RAPGEF3: variants seen among roughly 807,000 people sequenced by gnomAD.
RAPGEF3 encodes the protein 9330170P05Rik.
RAPGEF3 carries 103 observed loss-of-function variants against 129.8 expected under a neutral mutation model. The ratio of observed to expected loss-of-function variants is 0.79; its 90% CI spans 0.68 to 0.93. The LOEUF is 0.93. Ranked by LOEUF, RAPGEF3 falls within the 40% of genes least tolerant of loss-of-function variation. The pLI, the probability that RAPGEF3 is intolerant of heterozygous loss-of-function variation, is 0.00. For synonymous variants in RAPGEF3, 436 were observed against 482.6 expected (o/e 0.90, Z 1.26); for missense variants, 1,117 against 1,207.4 (o/e 0.93, Z 1.11).
In RAPGEF3 at chr12:47,737,604, C is replaced by T. The variant is rs146522636; in HGVS notation, c.2735G>A (p.Arg912Gln). ...CTCTCGGGAGAGGCGGGAGAGTTCCCGCTGGTTGTCAATGACCTTCAGCTG... is the reference window on the plus strand; with the variant it reads ...CTCTCGGGAGAGGCGGGAGAGTTCCTGCTGGTTGTCAATGACCTTCAGCTG... The part of the protein sequence containing the change: ...VQQLKVIDNQ[R>Q]ELSRLSRELE... The change falls in exon 28 of 28, where the codon CGG (arginine) becomes CAG (glutamine). Residue 912 changes from arginine (R) to glutamine (Q), a missense_variant. Coordinates refer to ENST00000449771, the MANE Select transcript of RAPGEF3 (RefSeq NM_001098531.4). 1.3e-4 allele frequency: 206 copies of T among 1,605,038 alleles called. No individual in the cohort carries two copies. Among genetic ancestry groups the T allele is most frequent in the Middle Eastern group, 8.3e-4 (5 of 6,036 alleles).
rs1942178907 is a variant in RAPGEF3, at chr12:47,757,870, C to T, written c.215G>A (p.Arg72His). 5 of 1,553,626 alleles carry T rather than the reference C, an allele frequency of 3.2e-6. No individual in the cohort carries two copies. The highest frequency in any genetic ancestry group is 2.4e-5 in the East Asian group (1 of 41,582). Residue 72 changes from arginine (R) to histidine (H), a missense_variant, in exon 2 of 28, where the codon CGC becomes CAC. By Grantham distance (29) the Arg-to-His change is conservative. This residue lies in a region of RAPGEF3 where 367 missense variants were observed against 373.4 expected (regional missense o/e 0.98). Transcript: ENST00000449771. ...GGGCAGGTGAAAGGTACTCACCCAGCGCAGCCCCTGGATGCAGCTCGGACG... is the reference window on the plus strand; with the variant it reads ...GGGCAGGTGAAAGGTACTCACCCAGTGCAGCCCCTGGATGCAGCTCGGACG... ...HQRPSCIQGL[R>H]WTPLTNSEES...
At chr12:47,750,048 CT>C (rs1051128135) in intron 7 of RAPGEF3, 58 bp from the exon 8 acceptor site, 2 of 1,599,142 alleles carry the variant, frequency 1.3e-6, no homozygotes, top group African/African-American at 2.7e-5. Flanking sequence ...AGCAGCCAGG[CT>C]TTTGCTAGGG....
At chr12:47,750,271 G>T in intron 7 of RAPGEF3, 70 bp downstream of exon 7, 1 of 1,458,996 alleles carries the variant, frequency 6.9e-7, no homozygotes, top group Non-Finnish European at 9.6e-7. Context: ...CCCAGCAGTT[G>T]GAGTTTCAGG....
Position 47,740,950 on chromosome 12 carries a change from C to G in RAPGEF3, c.2014G>C (p.Asp672His). Residue 672 changes from aspartate (D) to histidine (H), a missense_variant, in exon 20 of 28, where the codon GAC (aspartate) becomes CAC (histidine). By Grantham distance (81) the Asp-to-His change is moderately conservative. Around this residue, in one of 3 missense-constraint regions of RAPGEF3, gnomAD observed 643 missense variants for 673.4 expected, o/e 0.95. Coordinates refer to ENST00000449771, the MANE Select transcript of RAPGEF3 (RefSeq NM_001098531.4). ...CTGTTGAAGAGGCTCCAGTCGTGGT[C>G]CGTCAGCTGGCCTGCCAGGTCCTTG... ...SAKDLAGQLT[D>H]HDWSLFNSIH... 1 of 1,613,948 alleles carries G rather than the reference C, an allele frequency of 6.2e-7. No homozygotes were observed. The highest frequency in any genetic ancestry group is 2.2e-5 in the East Asian group (1 of 44,882).
chr12:47,747,171 C>A (rs560294772), intron 15 of RAPGEF3, among the ~76,000 whole-genome samples: 1 of 152,168 alleles, frequency 6.6e-6, no homozygotes. Flanking sequence ...GAGCTCCCAA[C>A]CCCCCTGAAT....
At chr12:47,757,498 A>G (rs1315410664) in intron 2 of RAPGEF3, among the ~76,000 whole-genome samples, 1 of 152,120 alleles carries the variant, frequency 6.6e-6, no homozygotes, top group African/African-American at 2.4e-5. Context: ...ACTGTAACCA[A>G]GCTTACCTCA....
At chr12:47,744,120 C>T (rs748827149) in intron 16 of RAPGEF3, 52 bp from the exon 17 acceptor site, 22 of 1,455,110 alleles carry the variant, frequency 1.5e-5, no homozygotes, top group African/African-American at 4.2e-5. Context: ...GAGAGGAGAC[C>T]GTGGAGGGAG....
chr12:47,744,104 G>A (rs755855331), intron 16 of RAPGEF3, 36 bp from the exon 17 acceptor site: 3 of 1,505,946 alleles, frequency 2.0e-6, no homozygotes, highest in Non-Finnish European at 1.8e-6. Context: ...AAGGCTGGGA[G>A]GACATGAGAG....
rs1314578493 is a variant in RAPGEF3, at chr12:47,735,876, T to G, written c.*1691A>C. 6.6e-6 allele frequency: 1 copy of G among 152,338 alleles called. No homozygotes were observed. Among genetic ancestry groups the G allele is most frequent in the Non-Finnish European group, 1.5e-5 (1 of 68,114 alleles). The allele number at this position is 152,338 out of a possible 1,614,324, so 9.4% of individuals were successfully genotyped here. ...CTGACTCACCCAGGCTTGAGCCTCC[T>G]GTCCTGATTGCTCAGTTCCAGATGC... On this transcript the variant is annotated 3_prime_UTR_variant, in exon 28 of 28. Transcript: ENST00000449771.
Position 47,751,491 on chromosome 12 carries a change from T to A in RAPGEF3, c.410A>T (p.Asp137Val). Reference sequence around the variant, plus strand: ...CCCAAGTCCCAGGGCCAAGATCCCATCCACCAGCTCCCGGCCAGAGCAGCA... The same window carrying A: ...CCCAAGTCCCAGGGCCAAGATCCCAACCACCAGCTCCCGGCCAGAGCAGCA... Reference protein sequence around the residue: ...RQCCSGRELVDGILALGLGVH... With the variant: ...RQCCSGRELVVGILALGLGVH... The change falls in exon 5 of 28, where the codon GAT becomes GTT. Residue 137 changes from aspartate to valine, a missense_variant. Asp to Val is a radical substitution (Grantham distance 152, BLOSUM62 -3). Coordinates refer to ENST00000449771, the MANE Select transcript of RAPGEF3 (RefSeq NM_001098531.4). The A allele has an allele frequency of 6.2e-7, 1 of 1,614,060 alleles. No homozygotes were observed. The highest frequency in any genetic ancestry group is 2.2e-5 in the East Asian group (1 of 44,876).
chr12:47,748,418 G>T, intron 12 of RAPGEF3, 36 bp downstream of exon 12: 3 of 1,574,874 alleles, frequency 1.9e-6, no homozygotes, highest in Non-Finnish European at 2.6e-6. Context: ...ACCACCCAAT[G>T]AGTCAGAAAG....
In RAPGEF3 at chr12:47,748,079, C is replaced by A. The variant is rs1470697881; in HGVS notation, c.1317G>T (p.Leu439=). 2 of 1,582,888 alleles carry A rather than the reference C, an allele frequency of 1.3e-6. No individual in the cohort carries two copies. Among genetic ancestry groups the A allele is most frequent in the African/African-American group, 1.3e-5 (1 of 74,504 alleles). The stretch of plus-strand genomic sequence containing the variant: ...CCCTGGAGCTGGAAGGATATTGGTG[C>A]AGAAGGGCAGCGCAGAGTTGGGCGC... ...MPSAQLCAAL[L]HHFHVEPAGG... is the part of the protein sequence containing the mutation. The change falls in exon 13 of 28, where the codon CTG becomes CTT. Residue 439 remains leucine, a synonymous_variant. Transcript: ENST00000449771.
chr12:47,738,053 G>A lies in RAPGEF3; in HGVS notation c.2622C>T (p.His874=), dbSNP rs200257479. The change falls in exon 27 of 28, where the codon CAC becomes CAT. Residue 874 remains histidine (H), a synonymous_variant. Transcript: ENST00000449771. ...AAATCCTCGCCACCTGGCTGTCCTC[G>A]TGGAGGTGGGAAACTCGGCTTCTGA... ...SPLRSRVSHL[H]EDSQVARIST... 1.8e-4 allele frequency: 298 copies of A among 1,612,850 alleles called. 1 individual carries two copies. In the East Asian group the frequency reaches 5.4e-3, roughly 29 times the overall value.
intron 18 of RAPGEF3, 22 bp downstream of exon 18, chr12:47,743,506 GGT>G (rs1941269104): frequency 6.2e-7 from 1 of 1,602,026 alleles, no homozygotes; most frequent in South Asian, 1.1e-5. Flanking sequence ...CCTCCCTTGG[GGT>G]CTATCCAGGG....
chr12:47,753,661 G>A (rs866361757), intron 2 of RAPGEF3, among the ~76,000 whole-genome samples: 6 of 152,242 alleles, frequency 3.9e-5, no homozygotes, highest in African/African-American at 1.4e-4. Flanking sequence ...GGGAGGAAGG[G>A]CAGGAATGCT....
Position 47,740,778 on chromosome 12 carries a change from C to T in RAPGEF3, c.2095G>A (p.Val699Ile), listed in dbSNP as rs755910369. 3.1e-6 allele frequency: 5 copies of T among 1,614,064 alleles called. No individual in the cohort carries two copies. The highest frequency in any genetic ancestry group is 2.2e-5 in the East Asian group (1 of 44,882). Residue 699 changes from valine to isoleucine, a missense_variant, in exon 21 of 28, where the codon GTC becomes ATC. Physicochemically the swap from Val to Ile is conservative, Grantham distance 29. Coordinates refer to ENST00000449771, the MANE Select transcript of RAPGEF3 (RefSeq NM_001098531.4). ...AAGCGCTCCAGGTTGGCGGTGGTGA[C>T]ATCCCGCAGATGCTGGGGGCCCAGC... ...YVLGPQHLRDVTTANLERFMR... is the reference protein window; with the variant it reads ...YVLGPQHLRDITTANLERFMR...
At chr12:47,742,202 T>C (rs1421028483) in intron 18 of RAPGEF3, 1 of 141,468 alleles carries the variant, frequency 7.1e-6, no homozygotes, top group Non-Finnish European at 1.6e-5. Flanking sequence ...TATCTATCTT[T>C]ATTATGATAT....
chr12:47,744,233 C>T, intron 16 of RAPGEF3, 165 bp from the exon 17 acceptor site: 1 of 624,516 alleles, frequency 1.6e-6, no homozygotes, highest in South Asian at 2.0e-5. Context: ...GGTAAGGCAC[C>T]TGGGACCAAG....
rs1346108625 is a variant in RAPGEF3 at position 47,747,794 on chromosome 12, T to C, written c.1391A>G (p.Gln464Arg). 5 of 1,607,746 alleles carry C rather than the reference T, an allele frequency of 3.1e-6. No individual in the cohort carries two copies. In the Admixed American group the frequency reaches 6.7e-5, roughly 21 times the overall value. ...RSTYVCNKRQ[Q>R]ILRLVSQWVA... The stretch of plus-strand genomic sequence containing the variant: ...CCACTGGCTGACCAGCCGCAAGATC[T>C]GCTGCCTCTTGTTGCAGACGTAGGT... Residue 464 changes from glutamine (Q) to arginine (R), a missense_variant, in exon 14 of 28, where the codon CAG becomes CGG. Gln to Arg is a conservative substitution (Grantham distance 43). Coordinates refer to ENST00000449771, the MANE Select transcript of RAPGEF3 (RefSeq NM_001098531.4).
Sources: gnomAD v4.1 joint callset for allele counts (sites outside exome capture counted in the v4.1 genomes callset) on GRCh38, gnomAD v4.1.1 for gene constraint, gnomAD v4.1.1 regional missense constraint, MANE v1.5 for transcripts, NCBI Gene and HGNC (gene_info 2026-07-23, HGNC 2026-07-21) for gene names.